ANKUB1: variants seen among roughly 807,000 people sequenced by gnomAD.
ANKUB1 encodes the protein ankyrin repeat and ubiquitin domain containing 1, also known as protein ANKUB1.
ANKUB1 carries 42 observed loss-of-function variants against 49.3 expected under a neutral mutation model. The ratio of observed to expected loss-of-function variants is 0.85; its 90% CI spans 0.67 to 1.10. ANKUB1 has a LOEUF of 1.10. Among genes scored for constraint, ANKUB1 ranks in the 50% least tolerant of loss-of-function variants. The pLI is 0.00. For missense variants in ANKUB1, 613 were observed against 642.0 expected (o/e 0.95, Z 0.49); for synonymous variants, 222 against 231.0 (o/e 0.96, Z 0.35).
rs1249802007 is a variant in ANKUB1 at position 149,767,720 on chromosome 3, A to G, written c.942T>C (p.Ile314=). Residue 314 remains isoleucine (I), a synonymous_variant, in exon 5 of 6, where the codon ATT becomes ATC. Transcript: ENST00000446160. ...CTCTGAGGATCCATTGTTTTATTTT[A>G]ATATAAATCCTCATTGGGACTGAAA... The part of the protein sequence containing the change: ...PKISVPMRIY[I]KIKQWILRAQ... 6.4e-7 allele frequency: 1 copy of G among 1,551,560 alleles called. No individual in the cohort carries two copies. Among genetic ancestry groups the G allele is most frequent in the South Asian group, 1.2e-5 (1 of 84,036 alleles).
chr3:149,792,323 T>C lies in ANKUB1; in HGVS notation c.44A>G (p.Asp15Gly). ...IAFEGSFEPF[D>G]VSADETVEVV... ...CTCCACAGTTTCATCTGCTGAAACATCAAACGGTTCAAAAGATCCTTCAAA... is the reference window on the plus strand; with the variant it reads ...CTCCACAGTTTCATCTGCTGAAACACCAAACGGTTCAAAAGATCCTTCAAA... Residue 15 changes from aspartate to glycine, a missense_variant, in exon 1 of 6, where the codon GAT (aspartate) becomes GGT (glycine). Coordinates refer to ENST00000446160, the MANE Select transcript of ANKUB1 (RefSeq NM_001144960.3). 6.5e-7 allele frequency: 1 copy of C among 1,533,744 alleles called. No homozygotes were observed. Among genetic ancestry groups the C allele is most frequent in the Non-Finnish European group, 8.8e-7 (1 of 1,137,398 alleles).
At chr3:149,776,878 G>A (rs1030411668) in intron 3 of ANKUB1, among the ~76,000 whole-genome samples, 2 of 152,114 alleles carry the variant, frequency 1.3e-5, no homozygotes, top group African/African-American at 4.8e-5. Context: ...TCAGGAGGCT[G>A]AGGTGAGAGA....
intron 3 of ANKUB1, among the ~76,000 whole-genome samples, chr3:149,776,689 A>C (rs566381895): frequency 6.6e-6 from 1 of 152,288 alleles, no homozygotes; most frequent in Admixed American, 6.5e-5. Context: ...GGCCAGGTGC[A>C]GTAGCTCACT....
chr3:149,779,146 G>C (rs1292377383), intron 3 of ANKUB1: 2 of 151,032 alleles, frequency 1.3e-5, no homozygotes, highest in East Asian at 3.9e-4. Flanking sequence ...ATTGATGTTT[G>C]GCTACTGCAG....
intron 4 of ANKUB1, among the ~76,000 whole-genome samples, chr3:149,769,897 C>T (rs1321377720): frequency 1.3e-5 from 2 of 152,094 alleles, no homozygotes; most frequent in Non-Finnish European, 1.5e-5. Context: ...ATTTAATCAC[C>T]ATTTAATGAC....
intron 4 of ANKUB1, among the ~76,000 whole-genome samples, chr3:149,768,523 GA>G (rs1293289549): frequency 2.0e-5 from 3 of 152,046 alleles, no homozygotes; most frequent in African/African-American, 4.8e-5. Flanking sequence ...CTATTTGTGT[GA>G]CATGGGGCAG....
chr3:149,767,089 A>G, intron 5 of ANKUB1, 68 bp downstream of exon 5: 1 of 1,374,522 alleles, frequency 7.3e-7, no homozygotes, highest in Non-Finnish European at 9.8e-7. Flanking sequence ...GGCATTATGG[A>G]CCATTCCTTA....
Position 149,767,550 on chromosome 3 carries a change from T to C in ANKUB1, c.1112A>G (p.Gln371Arg). The stretch of plus-strand genomic sequence containing the variant: ...AGATGGTAGCTTGAGCACGATGCTT[T>C]GTGAGTCGCTGTTCCCAGCCTTATG... ...SWHKAGNSDSQSIVLKLPSLS... is the reference protein window; with the variant it reads ...SWHKAGNSDSRSIVLKLPSLS... Residue 371 changes from glutamine to arginine, a missense_variant, in exon 5 of 6, where the codon CAA (glutamine) becomes CGA (arginine). By Grantham distance (43) the Gln-to-Arg change is conservative. Coordinates refer to ENST00000446160, the MANE Select transcript of ANKUB1 (RefSeq NM_001144960.3). 1 of 1,551,696 alleles carries C rather than the reference T, an allele frequency of 6.4e-7. No individual in the cohort carries two copies. The highest frequency in any genetic ancestry group is 8.7e-7 in the Non-Finnish European group (1 of 1,146,996).
chr3:149,766,659 A>G (rs940151242), intron 5 of ANKUB1: 4 of 544,302 alleles, frequency 7.3e-6, no homozygotes, highest in African/African-American at 1.9e-5. Flanking sequence ...TCAATCAGAT[A>G]TAGTGGCATG....
At chr3:149,791,083 C>T (rs1576686601) in intron 1 of ANKUB1, among the ~76,000 whole-genome samples, 159 bp from the exon 2 acceptor site, 1 of 152,052 alleles carries the variant, frequency 6.6e-6, no homozygotes, top group African/African-American at 2.4e-5. Flanking sequence ...AGAGAACTTC[C>T]AAAACATTTA....
rs140660447 is a variant in ANKUB1, at chr3:149,769,406, C to T, written c.566+1154G>A. Among the ~76,000 whole-genome samples the T allele has an allele frequency of 6.1e-3, 927 of 152,278 alleles. 2 individuals carry two copies. The highest frequency in any genetic ancestry group is 0.018 in the East Asian group (94 of 5,192). Reference sequence around the variant, plus strand: ...AAAATTACATGTGAGCTTAGGAAGACGTGGCCAATGTTTTCAGCCAATTAA... The same window carrying T: ...AAAATTACATGTGAGCTTAGGAAGATGTGGCCAATGTTTTCAGCCAATTAA... On this transcript the variant is annotated intron_variant, in intron 4 of 5. Coordinates refer to ENST00000446160, the MANE Select transcript of ANKUB1 (RefSeq NM_001144960.3).
rs61551293 is a variant in ANKUB1, at chr3:149,776,463, C to T, written c.451+3776G>A. 4.9e-3 allele frequency among the ~76,000 whole-genome samples: 750 copies of T among 152,296 alleles called. 3 individuals are homozygous for T. Among genetic ancestry groups the T allele is most frequent in the African/African-American group, 0.017 (721 of 41,548 alleles). On this transcript the variant is annotated intron_variant, in intron 3 of 5. Coordinates refer to ENST00000446160, the MANE Select transcript of ANKUB1 (RefSeq NM_001144960.3). ...ACCCAAACCATCACTCAAGCACTAG[C>T]ACCATGTTTGCAGTAAAGGGAAATT...
At chr3:149,791,451 T>C (rs1489718) in intron 1 of ANKUB1, among the ~76,000 whole-genome samples, 99,346 of 152,040 alleles carry the variant, frequency 0.65, 33,581 homozygotes, top group East Asian at 0.9. Flanking sequence ...ATCATATCTG[T>C]TTTATTTTAT....
chr3:149,781,318 A>G (rs1445326498), intron 2 of ANKUB1, among the ~76,000 whole-genome samples: 1 of 152,234 alleles, frequency 6.6e-6, no homozygotes, highest in Non-Finnish European at 1.5e-5. Flanking sequence ...AAAACTCAAA[A>G]TACAGCGAAT....
chr3:149,788,119 G>A (rs1718191881), intron 2 of ANKUB1, among the ~76,000 whole-genome samples: 1 of 152,102 alleles, frequency 6.6e-6, no homozygotes, highest in Non-Finnish European at 1.5e-5. Flanking sequence ...AAGTAGGGAA[G>A]GTACTACTTA....
At chr3:149,763,034 C>A (rs1716844104) in intron 5 of ANKUB1, among the ~76,000 whole-genome samples, 1 of 152,156 alleles carries the variant, frequency 6.6e-6, no homozygotes, top group African/African-American at 2.4e-5. Flanking sequence ...TTAGGAGTAA[C>A]CCTGTATAAA....
rs755952423 is a variant in ANKUB1 at position 149,768,071 on chromosome 3, G to T, written c.591C>A (p.Tyr197Ter). 3 of 1,438,088 alleles carry T rather than the reference G, an allele frequency of 2.1e-6. No individual in the cohort carries two copies. The East Asian group carries it at 7.5e-5, about 36-fold the overall frequency. The allele number at this position is 1,438,088 out of a possible 1,614,324, so 89.1% of individuals were successfully genotyped here. A position where few individuals can be genotyped will look rare whatever the true frequency, so the allele number is the denominator to read the frequency against. ...CAATGTACCCACAAAAAGCAGCAATGTACAGGGCTACCCTTTTCTGATACC... is the reference window on the plus strand; with the variant it reads ...CAATGTACCCACAAAAAGCAGCAATTTACAGGGCTACCCTTTTCTGATACC... ...VLKYQKRVAL[Y>*]IAAFCGYIEL... Residue 197 changes from tyrosine (Y) to a stop codon, truncating the protein, a stop_gained, in exon 5 of 6, where the codon TAC (tyrosine) becomes TAA (stop). Transcript: ENST00000446160. LOFTEE classifies it high-confidence loss of function.
At chr3:149,771,343 C>T (rs1325450802) in intron 3 of ANKUB1, among the ~76,000 whole-genome samples, 1 of 152,180 alleles carries the variant, frequency 6.6e-6, no homozygotes, top group Non-Finnish European at 1.5e-5. Context: ...TGTGAACCAA[C>T]CTAGCTCACT....
chr3:149,768,196 A>G, intron 4 of ANKUB1, 101 bp from the exon 5 acceptor site: 3 of 875,850 alleles, frequency 3.4e-6, no homozygotes, highest in East Asian at 2.9e-5. Context: ...TTGAATGTTT[A>G]TTTCTTCTTA....
Sources: gnomAD v4.1 joint callset for allele counts (sites outside exome capture counted in the v4.1 genomes callset) on GRCh38, gnomAD v4.1.1 for gene constraint, MANE v1.5 for transcripts, NCBI Gene and HGNC (gene_info 2026-07-23, HGNC 2026-07-21) for gene names.